Variants in PCDHA8 observed in about 807,000 individuals in gnomAD.
PCDHA8 encodes protocadherin alpha 8, also known as protocadherin alpha-8.
A neutral mutation model predicts 61.8 loss-of-function variants in PCDHA8; 53 were observed. The observed-to-expected ratio is 0.86, with a 90% CI of 0.69 to 1.08. The LOEUF (loss-of-function observed/expected upper bound fraction) is 1.08. PCDHA8 is among the 50% of genes least tolerant of loss of function. PCDHA8 has a pLI of 0.00. For missense variants in PCDHA8, 1,293 were observed against 1,245.0 expected (o/e 1.04, Z -0.58); for synonymous variants, 618 against 556.6 (o/e 1.11, Z -1.55).
At chr5:140,927,822 T>C in intron 1 of PCDHA8, 1 of 1,614,152 alleles carries the variant, frequency 6.2e-7, no homozygotes, top group Non-Finnish European at 8.5e-7. Context: ...AGGCATACAT[T>C]GAGGCGAGGG....
intron 1 of PCDHA8, chr5:140,857,128 AGAT>A: frequency 6.3e-7 from 1 of 1,598,286 alleles, no homozygotes; most frequent in South Asian, 1.1e-5. Flanking sequence ...CAGTGAAAGA[AGAT>A]GCTCAAGTGG....
At chr5:140,870,614 C>G in intron 1 of PCDHA8, 2 of 1,613,212 alleles carry the variant, frequency 1.2e-6, no homozygotes, top group South Asian at 2.2e-5. Flanking sequence ...CGCGCGCTGT[C>G]GAGCTACGTG....
intron 1 of PCDHA8, chr5:140,868,886 A>G: frequency 1.4e-6 from 1 of 730,322 alleles, no homozygotes; most frequent in Non-Finnish European, 2.1e-6. Context: ...TCACAGTTTT[A>G]GGCGCAAGGT....
At chr5:140,888,159 C>T (rs1468895090) in intron 1 of PCDHA8, among the ~76,000 whole-genome samples, 1 of 152,080 alleles carries the variant, frequency 6.6e-6, no homozygotes, top group Non-Finnish European at 1.5e-5. Flanking sequence ...GACTGGTAAT[C>T]TCTAATAAGA....
At position 140,841,774 on chromosome 5, in the gene PCDHA8, GTT is replaced by G. The variant is rs2150322506; in HGVS notation, c.455_456del (p.Phe152SerfsTer13). ...CAGAATCCAGAATGCCAGACTCTCG[GTT>G]TCCGCTAGAGGGCGCGTCCGATGCA... Reference protein sequence around the residue: ...VSESRMPDSRFPLEGASDADV... With the variant: ...VSESRMPDSRXPLEGASDADV... On this transcript the variant is annotated frameshift_variant, in exon 1 of 4. Transcript: ENST00000531613. LOFTEE classifies it high-confidence loss of function. 6.2e-7 allele frequency: 1 copy of G among 1,613,914 alleles called. No homozygotes were observed. Among genetic ancestry groups the G allele is most frequent in the South Asian group, 1.1e-5 (1 of 91,078 alleles).
At chr5:140,866,680 C>G (rs2049493628) in intron 1 of PCDHA8, 1 of 152,138 alleles carries the variant, frequency 6.6e-6, no homozygotes, top group South Asian at 2.1e-4. Context: ...AGCACTAGGT[C>G]TGTTAGAATA....
chr5:140,935,435 A>G (rs1268078110), intron 1 of PCDHA8, among the ~76,000 whole-genome samples: 1 of 152,256 alleles, frequency 6.6e-6, no homozygotes, highest in Non-Finnish European at 1.5e-5. Context: ...TCAGCACTAC[A>G]GAAATAATAT....
chr5:140,852,638 T>C lies in PCDHA8; in HGVS notation c.2394+8923T>C. 5 of 960,950 alleles carry C rather than the reference T, an allele frequency of 5.2e-6. 1 individual carries two copies. Among genetic ancestry groups the C allele is most frequent in the Non-Finnish European group, 6.3e-6 (5 of 795,190 alleles). The allele number at this position is 960,950 out of a possible 1,614,324, so 59.5% of individuals were successfully genotyped here. On this transcript the variant is annotated intron_variant, in intron 1 of 3. Coordinates refer to ENST00000531613, the MANE Select transcript of PCDHA8 (RefSeq NM_018911.3). ...TTGAGTGGTCTCTGAGCTCCTGTCA[T>C]TAAACCTATCTATATCTGTCTATCA...
intron 1 of PCDHA8, among the ~76,000 whole-genome samples, chr5:140,922,023 T>TA (rs530025575): frequency 3.9e-5 from 6 of 151,968 alleles, no homozygotes; most frequent in African/African-American, 1.4e-4. Flanking sequence ...AAAATAAATA[T>TA]AAAAAATGTA....
At chr5:140,895,880 C>T (rs564030159) in intron 1 of PCDHA8, among the ~76,000 whole-genome samples, 4 of 152,240 alleles carry the variant, frequency 2.6e-5, no homozygotes, top group East Asian at 3.9e-4. Flanking sequence ...GGCGCGATCT[C>T]GGCTCACTGC....
chr5:140,873,431 A>G (rs1395359965), intron 1 of PCDHA8, among the ~76,000 whole-genome samples: 1 of 152,228 alleles, frequency 6.6e-6, no homozygotes, highest in African/African-American at 2.4e-5. Context: ...ATTATTTTAT[A>G]TCACATAAAT....
intron 1 of PCDHA8, chr5:140,850,972 T>C (rs2150504573): frequency 6.8e-7 from 1 of 1,465,332 alleles, no homozygotes; most frequent in African/African-American, 1.4e-5. Flanking sequence ...GCCGTTCAAA[T>C]AGTTTTATTC....
intron 1 of PCDHA8, among the ~76,000 whole-genome samples, chr5:140,966,026 G>C (rs1586101729): frequency 6.6e-6 from 1 of 152,290 alleles, no homozygotes; most frequent in Non-Finnish European, 1.5e-5. Context: ...TGGGAGTCAG[G>C]TGAATAGTTC....
At chr5:140,993,510 G>A (rs144120217) in intron 3 of PCDHA8, among the ~76,000 whole-genome samples, 7 of 129,138 alleles carry the variant, frequency 5.4e-5, no homozygotes, top group African/African-American at 1.4e-4. Context: ...ACACACACAC[G>A]GGGAGAGAGA....
chr5:141,001,213 A>G (rs2097997873), intron 3 of PCDHA8, among the ~76,000 whole-genome samples: 1 of 152,154 alleles, frequency 6.6e-6, no homozygotes, highest in African/African-American at 2.4e-5. Context: ...TGTGCTGTAT[A>G]AGGATAGTTA....
intron 1 of PCDHA8, among the ~76,000 whole-genome samples, chr5:140,941,191 T>TTTCTTTCTTCCTTTCTTCC (rs1487503403): frequency 1.1e-5 from 1 of 93,258 alleles, no homozygotes; most frequent in African/African-American, 3.9e-5. Flanking sequence ...GCTTCTTTTT[T>TTTCTTTCTTCCTTTCTTCC]TTTCTTTCTT....
intron 1 of PCDHA8, among the ~76,000 whole-genome samples, chr5:140,886,698 C>A (rs578140955): frequency 2.0e-5 from 3 of 151,820 alleles, no homozygotes; most frequent in Non-Finnish European, 4.4e-5. Flanking sequence ...TGGTGGCACG[C>A]GCCTGTAATC....
intron 1 of PCDHA8, chr5:140,863,562 G>T: frequency 5.3e-6 from 2 of 376,150 alleles, no homozygotes; most frequent in South Asian, 4.2e-5. Flanking sequence ...AAATTTTTGA[G>T]AATATAAGTA....
At chr5:141,000,405 A>ATG (rs2097918195) in intron 3 of PCDHA8, among the ~76,000 whole-genome samples, 3 of 88,878 alleles carry the variant, frequency 3.4e-5, no homozygotes, top group African/African-American at 1.4e-4. Flanking sequence ...CTATATATAT[A>ATG]TATATATATA....
Sources: gnomAD v4.1 joint callset for allele counts (sites outside exome capture counted in the v4.1 genomes callset) on GRCh38, gnomAD v4.1.1 for gene constraint, MANE v1.5 for transcripts, NCBI Gene and HGNC (gene_info 2026-07-23, HGNC 2026-07-21) for gene names.